The following PTPRN2 variants were observed in gnomAD, a reference collection of about 807,000 sequenced individuals.
The protein encoded by PTPRN2 is protein tyrosine phosphatase receptor type N2.
In PTPRN2, 74 loss-of-function variants were observed where a neutral mutation model predicts 118.8. That is an observed-to-expected ratio of 0.62 (90% CI 0.52 to 0.76). PTPRN2 has a LOEUF of 0.76. Among genes scored for constraint, PTPRN2 ranks in the 30% least tolerant of loss-of-function variants. PTPRN2 has a pLI of 0.00. For missense variants in PTPRN2, 1,481 were observed against 1,394.4 expected (o/e 1.06, Z -0.99); for synonymous variants, 641 against 608.0 (o/e 1.05, Z -0.80).
At chr7:158,258,379 T>G (rs1386378437) in intron 3 of PTPRN2, among the ~76,000 whole-genome samples, 1 of 152,272 alleles carries the variant, frequency 6.6e-6, no homozygotes, top group Non-Finnish European at 1.5e-5. Flanking sequence ...GCCTCCTTCC[T>G]GCTCCAGTTC....
chr7:158,351,465 C>G (rs1463552759), intron 2 of PTPRN2, among the ~76,000 whole-genome samples: 1 of 152,198 alleles, frequency 6.6e-6, no homozygotes, highest in Non-Finnish European at 1.5e-5. Context: ...GTTGCTCACA[C>G]AGCAGCCGAC....
intron 12 of PTPRN2, among the ~76,000 whole-genome samples, chr7:157,746,852 G>A (rs997709338): frequency 2.0e-5 from 3 of 151,484 alleles, no homozygotes; most frequent in Non-Finnish European, 4.4e-5. Context: ...CCTGAGCTGC[G>A]GGCAGTTGAG....
At chr7:158,583,678 C>T (rs1178387812) in intron 1 of PTPRN2, among the ~76,000 whole-genome samples, 1 of 152,188 alleles carries the variant, frequency 6.6e-6, no homozygotes, top group African/African-American at 2.4e-5. Flanking sequence ...TGAGTGAACC[C>T]ATTGTCTGGC....
At chr7:158,307,463 C>T (rs1295307478) in intron 3 of PTPRN2, among the ~76,000 whole-genome samples, 2 of 151,784 alleles carry the variant, frequency 1.3e-5, no homozygotes, top group African/African-American at 4.8e-5. Flanking sequence ...TACTGAGATA[C>T]ACGTAAAGGA....
At chr7:157,592,144 C>T (rs965987425) in intron 17 of PTPRN2, among the ~76,000 whole-genome samples, 1 of 152,328 alleles carries the variant, frequency 6.6e-6, no homozygotes, top group African/African-American at 2.4e-5. Context: ...TTATTTCATA[C>T]AGAGATGCAT....
Position 157,671,985 on chromosome 7 carries a change from G to T in PTPRN2, c.2001+10740C>A, listed in dbSNP as rs776443430. On this transcript the variant is annotated intron_variant, in intron 13 of 22. Transcript: ENST00000389418. This position sits in a 1 kb window ranked among gnomAD's most constrained non-coding sequence, Gnocchi z 4.1. The stretch of plus-strand genomic sequence containing the variant: ...GGGCAGCAGCCCTGGAGGAAAACCC[G>T]TGAGCGAGTCGTGGAGGGAGTGTGA... Among the ~76,000 whole-genome samples, 5 of 152,270 alleles carry T rather than the reference G, an allele frequency of 3.3e-5. No homozygotes were observed. The highest frequency in any genetic ancestry group is 3.4e-3 in the Middle Eastern group (1 of 294).
chr7:157,542,512 AGTG>A (rs1798061294), intron 22 of PTPRN2, among the ~76,000 whole-genome samples: 5 of 152,134 alleles, frequency 3.3e-5, no homozygotes, highest in African/African-American at 1.2e-4. Context: ...CCCCAGGGCC[AGTG>A]CTAATCCTGC....
At position 157,690,222 on chromosome 7, in the gene PTPRN2, C is replaced by G. The variant is rs899209704; in HGVS notation, c.1789-7285G>C. Among the ~76,000 whole-genome samples the G allele has an allele frequency of 6.6e-6, 1 of 152,200 alleles. No homozygotes were observed. The highest frequency in any genetic ancestry group is 2.4e-5 in the African/African-American group (1 of 41,472). Reference sequence around the variant, plus strand: ...CGCTCAGAAGGAGCTGCCCTTTGCCCGCTCCTCCTCACAGGCCCACCCTAG... The same window carrying G: ...CGCTCAGAAGGAGCTGCCCTTTGCCGGCTCCTCCTCACAGGCCCACCCTAG... On this transcript the variant is annotated intron_variant, in intron 12 of 22. Coordinates refer to ENST00000389418, the MANE Select transcript of PTPRN2 (RefSeq NM_002847.5). The surrounding 1 kb of genome is among the most constrained non-coding windows in gnomAD (Gnocchi z 7.1).
intron 17 of PTPRN2, among the ~76,000 whole-genome samples, chr7:157,584,591 C>T (rs1800566040): frequency 6.6e-6 from 1 of 152,244 alleles, no homozygotes; most frequent in Non-Finnish European, 1.5e-5. Flanking sequence ...TCCTCCAGAG[C>T]AGGTGCGGGG....
chr7:157,716,669 T>C (rs543758743), intron 12 of PTPRN2, among the ~76,000 whole-genome samples: 2 of 59,484 alleles, frequency 3.4e-5, no homozygotes, highest in Non-Finnish European at 6.1e-5. Flanking sequence ...CCTGGCCACG[T>C]AGACTCTGCG....
chr7:157,902,092 G>A (rs184345017), intron 11 of PTPRN2, among the ~76,000 whole-genome samples: 235 of 152,326 alleles, frequency 1.5e-3, no homozygotes, highest in African/African-American at 2.6e-3. Context: ...GGCAACTCCC[G>A]CCACCCTGAA....
intron 9 of PTPRN2, among the ~76,000 whole-genome samples, chr7:158,124,068 A>G (rs577777796): frequency 6.6e-6 from 1 of 152,216 alleles, no homozygotes; most frequent in East Asian, 1.9e-4. Flanking sequence ...CCAAGTTACC[A>G]TGGGACCTGA....
intron 5 of PTPRN2, 78 bp from the exon 6 acceptor site, chr7:158,167,369 TCA>T (rs1823129597): frequency 6.6e-7 from 1 of 1,510,940 alleles, no homozygotes; most frequent in Non-Finnish European, 8.8e-7. Context: ...CCCTTCAGTC[TCA>T]GTTTTCAAGG....
At chr7:158,214,006 T>C (rs1308145684) in intron 3 of PTPRN2, among the ~76,000 whole-genome samples, 1 of 152,114 alleles carries the variant, frequency 6.6e-6, no homozygotes, top group Non-Finnish European at 1.5e-5. Context: ...TCATCTGTAC[T>C]GGGCAGTCTG....
At chr7:157,673,885 G>A (rs1361916889) in intron 13 of PTPRN2, among the ~76,000 whole-genome samples, 1 of 152,126 alleles carries the variant, frequency 6.6e-6, no homozygotes, top group African/African-American at 2.4e-5. Flanking sequence ...TTCACACTGG[G>A]GAGTCCTTCA....
In PTPRN2 at chr7:157,806,823, A is replaced by G. The variant is rs1585518667; in HGVS notation, c.1788+91850T>C. Reference sequence around the variant, plus strand: ...CCACGGCCCGGTGGTCTGCATGAACAAAGTGAGTACTTGGAGGGCCACTGG... The same window carrying G: ...CCACGGCCCGGTGGTCTGCATGAACGAAGTGAGTACTTGGAGGGCCACTGG... On this transcript the variant is annotated intron_variant, in intron 12 of 22. Coordinates refer to ENST00000389418, the MANE Select transcript of PTPRN2 (RefSeq NM_002847.5). 3.9e-5 allele frequency among the ~76,000 whole-genome samples: 6 copies of G among 152,316 alleles called. No homozygotes were observed. In the South Asian group the frequency reaches 1.2e-3, roughly 32 times the overall value.
rs1333401291 is a variant in PTPRN2 at position 158,517,384 on chromosome 7, C to T, written c.113-27599G>A. Among the ~76,000 whole-genome samples the T allele has an allele frequency of 1.3e-5, 2 of 152,132 alleles. No individual in the cohort carries two copies. The highest frequency in any genetic ancestry group is 4.8e-5 in the African/African-American group (2 of 41,426). ...GCGCACTGTGGGCTGATGGGGTGGGCCACATATGGGGAATTCCAGAACGTG... is the reference window on the plus strand; with the variant it reads ...GCGCACTGTGGGCTGATGGGGTGGGTCACATATGGGGAATTCCAGAACGTG... On this transcript the variant is annotated intron_variant, in intron 1 of 22. Transcript: ENST00000389418. The surrounding 1 kb of genome is among the most constrained non-coding windows in gnomAD (Gnocchi z 5.3).
chr7:157,641,415 G>A (rs1260389375), intron 14 of PTPRN2, among the ~76,000 whole-genome samples: 1 of 152,150 alleles, frequency 6.6e-6, no homozygotes, highest in Non-Finnish European at 1.5e-5. Context: ...AAACTTACTT[G>A]GCAACATGGT....
chr7:157,561,139 G>C (rs1024562525), intron 21 of PTPRN2, among the ~76,000 whole-genome samples: 1 of 151,848 alleles, frequency 6.6e-6, no homozygotes, highest in African/African-American at 2.4e-5. Flanking sequence ...CCATCCCCTC[G>C]GCCCCCGGGT....
Sources: gnomAD v4.1 joint callset for allele counts (sites outside exome capture counted in the v4.1 genomes callset) on GRCh38, gnomAD v4.1.1 for gene constraint, Gnocchi (gnomAD v3.1) non-coding constraint, MANE v1.5 for transcripts, NCBI Gene and HGNC (gene_info 2026-07-23, HGNC 2026-07-21) for gene names.